Variants in HS3ST4 observed in about 807,000 individuals in gnomAD.
HS3ST4 encodes the protein heparan sulfate glucosamine 3-O-sulfotransferase 4.
In HS3ST4, 17 loss-of-function variants were observed where a neutral mutation model predicts 29.2. The observed-to-expected ratio is 0.58, with a 90% CI of 0.40 to 0.87. The LOEUF (loss-of-function observed/expected upper bound fraction) is 0.87, where lower values mean the gene tolerates loss of function less well. HS3ST4 is among the 40% of genes least tolerant of loss of function. HS3ST4 has a pLI of 0.00. For synonymous variants in HS3ST4, 314 were observed against 285.7 expected, an observed-to-expected ratio of 1.10 and a Z score of -1.00; for missense variants, 627 against 634.5, an observed-to-expected ratio of 0.99 and a Z score of 0.13.
At chr16:25,957,388 C>A (rs1335266385) in intron 1 of HS3ST4, among the ~76,000 whole-genome samples, 2 of 149,860 alleles carry the variant, frequency 1.3e-5, no homozygotes, top group African/African-American at 2.5e-5. Flanking sequence ...AGCAATGTAG[C>A]CTATGAAAGA....
At chr16:25,985,357 T>A (rs1204604463) in intron 1 of HS3ST4, among the ~76,000 whole-genome samples, 1 of 152,110 alleles carries the variant, frequency 6.6e-6, no homozygotes, top group Non-Finnish European at 1.5e-5. Flanking sequence ...AATTTGGGCA[T>A]TTAGGTGGTT....
At chr16:25,703,041 C>A (rs947825281) in intron 1 of HS3ST4, among the ~76,000 whole-genome samples, 1 of 152,140 alleles carries the variant, frequency 6.6e-6, no homozygotes, top group African/African-American at 2.4e-5. Flanking sequence ...TGCCTGTAAT[C>A]CCTGCTACTC....
chr16:25,964,647 CT>C (rs1474104675), intron 1 of HS3ST4, among the ~76,000 whole-genome samples: 1 of 152,172 alleles, frequency 6.6e-6, no homozygotes, highest in Admixed American at 6.5e-5. Context: ...GCTCCAAAGC[CT>C]TTACGCTCAG....
chr16:26,056,621 T>C (rs1214919078), intron 1 of HS3ST4, among the ~76,000 whole-genome samples: 2 of 152,244 alleles, frequency 1.3e-5, no homozygotes, highest in Non-Finnish European at 2.9e-5. Flanking sequence ...TGCACACTGG[T>C]GGGTGCTATT....
At chr16:25,944,585 T>C (rs751997195) in intron 1 of HS3ST4, among the ~76,000 whole-genome samples, 5 of 152,218 alleles carry the variant, frequency 3.3e-5, no homozygotes, top group African/African-American at 4.8e-5. Context: ...GTTGAGACAT[T>C]CCCTTCTGAG....
chr16:26,064,631 T>G (rs1306731329), intron 1 of HS3ST4, among the ~76,000 whole-genome samples: 1 of 149,968 alleles, frequency 6.7e-6, no homozygotes, highest in Non-Finnish European at 1.5e-5. Flanking sequence ...TTTTTTTTTT[T>G]TTTGAGACAG....
chr16:26,105,467 A>G (rs2141799358), intron 1 of HS3ST4, among the ~76,000 whole-genome samples: 1 of 152,334 alleles, frequency 6.6e-6, no homozygotes, highest in South Asian at 2.1e-4. Context: ...TTTGTGACAT[A>G]CTTGCACATA....
intron 1 of HS3ST4, among the ~76,000 whole-genome samples, chr16:25,754,384 C>G (rs1398022830): frequency 6.6e-6 from 1 of 151,682 alleles, no homozygotes; most frequent in Non-Finnish European, 1.5e-5. Context: ...ATTCACTTAG[C>G]CATTCATCCA....
intron 1 of HS3ST4, among the ~76,000 whole-genome samples, chr16:25,828,299 TCC>T (rs1449298814): frequency 0.04 from 2,462 of 61,290 alleles, 96 homozygotes; most frequent in Admixed American, 0.061. Context: ...TTTCTTTCTT[TCC>T]CTCTCTCTCT....
intron 1 of HS3ST4, among the ~76,000 whole-genome samples, chr16:25,791,084 C>T (rs1169236699): frequency 4.6e-5 from 7 of 151,664 alleles, no homozygotes; most frequent in African/African-American, 1.4e-4. Context: ...GAAGTGGAGG[C>T]GAAGCATCTT....
intron 1 of HS3ST4, among the ~76,000 whole-genome samples, chr16:25,926,895 G>A (rs1015139958): frequency 6.6e-6 from 1 of 152,072 alleles, no homozygotes; most frequent in Non-Finnish European, 1.5e-5. Flanking sequence ...GTTTTGGTTA[G>A]CAAGCACCCC....
intron 1 of HS3ST4, among the ~76,000 whole-genome samples, chr16:26,031,127 T>C (rs1406423181): frequency 6.6e-6 from 1 of 152,166 alleles, no homozygotes; most frequent in African/African-American, 2.4e-5. Flanking sequence ...TTGAGGTAGC[T>C]GTGGGTCCAG....
Position 26,005,206 on chromosome 16 carries a change from G to T in HS3ST4, c.735-130406G>T, listed in dbSNP as rs148606316. 2.0e-5 allele frequency among the ~76,000 whole-genome samples: 3 copies of T among 152,256 alleles called. No homozygotes were observed. In the East Asian group the frequency reaches 5.8e-4, roughly 29 times the overall value. ...ATCCACAGTAGGAGGAGATACTCAG[G>T]CCAGTTTGGGAAATCAATGGAAAAG... On this transcript the variant is annotated intron_variant, in intron 1 of 1. Coordinates refer to ENST00000331351, the MANE Select transcript of HS3ST4 (RefSeq NM_006040.3).
intron 1 of HS3ST4, among the ~76,000 whole-genome samples, chr16:26,068,686 G>T (rs548824894): frequency 6.6e-6 from 1 of 152,002 alleles, no homozygotes. Flanking sequence ...AAAGGAAGGG[G>T]ATGAAATTAA....
chr16:25,899,440 G>A (rs1027087976), intron 1 of HS3ST4, among the ~76,000 whole-genome samples: 6 of 152,174 alleles, frequency 3.9e-5, no homozygotes, highest in African/African-American at 7.2e-5. Context: ...CAGAGGAAGG[G>A]CCTATGACCC....
At chr16:25,968,744 T>C (rs1444948770) in intron 1 of HS3ST4, among the ~76,000 whole-genome samples, 1 of 151,836 alleles carries the variant, frequency 6.6e-6, no homozygotes, top group Non-Finnish European at 1.5e-5. Flanking sequence ...GGAGGAGGAG[T>C]TGATGTCTTA....
At chr16:26,104,021 T>C (rs1302857645) in intron 1 of HS3ST4, among the ~76,000 whole-genome samples, 2 of 152,208 alleles carry the variant, frequency 1.3e-5, no homozygotes, top group African/African-American at 4.8e-5. Flanking sequence ...ATAAAAATGT[T>C]TTTTTAAAAC....
intron 1 of HS3ST4, among the ~76,000 whole-genome samples, chr16:26,114,869 C>G (rs971631692): frequency 1.3e-5 from 2 of 152,084 alleles, no homozygotes; most frequent in Non-Finnish European, 2.9e-5. Context: ...AATTCAACCT[C>G]TTTATGGCTA....
At chr16:26,066,965 G>T (rs943974579) in intron 1 of HS3ST4, among the ~76,000 whole-genome samples, 11 of 152,158 alleles carry the variant, frequency 7.2e-5, no homozygotes, top group Non-Finnish European at 1.3e-4. Context: ...CTGTGCTGTG[G>T]AACAGGACTG....
Sources: allele counts gnomAD v4.1 joint callset (sites outside exome capture counted in the v4.1 genomes callset), GRCh38; gene constraint gnomAD v4.1.1; transcripts MANE v1.5; gene names NCBI Gene and HGNC (gene_info 2026-07-23, HGNC 2026-07-21).